The following CDH13 variants were observed in gnomAD, a reference collection of about 807,000 sequenced individuals.
CDH13 encodes cadherin 13, also known as cadherin-13.
A neutral mutation model predicts 63.8 loss-of-function variants in CDH13; 24 were observed. The observed-to-expected ratio is 0.38, with a 90% CI of 0.27 to 0.53. The LOEUF (loss-of-function observed/expected upper bound fraction) is 0.53. Among genes scored for constraint, CDH13 ranks in the 20% least tolerant of loss-of-function variants. The pLI, the probability that CDH13 is intolerant of heterozygous loss-of-function variation, is 0.85. For synonymous variants in CDH13, 503 were observed against 355.3 expected (o/e 1.42, Z -4.67); for missense variants, 1,049 against 903.1 (o/e 1.16, Z -2.07).
chr16:82,647,476 A>G (rs1910230231), intron 1 of CDH13, among the ~76,000 whole-genome samples: 2 of 152,056 alleles, frequency 1.3e-5, no homozygotes, highest in African/African-American at 2.4e-5. Flanking sequence ...GGAAAAGGAA[A>G]CAGACGAGGG....
chr16:83,061,900 G>A (rs988244588), intron 3 of CDH13, among the ~76,000 whole-genome samples: 10 of 152,190 alleles, frequency 6.6e-5, no homozygotes, highest in Admixed American at 1.3e-4. Context: ...CAATAGTCCA[G>A]GAGATGCTTA....
chr16:83,539,773 C>T lies in CDH13; in HGVS notation c.960+53118C>T, dbSNP rs141922221. Among the ~76,000 whole-genome samples, 360 of 152,240 alleles carry T rather than the reference C, an allele frequency of 2.4e-3. 4 individuals are homozygous for T. Among genetic ancestry groups the T allele is most frequent in the African/African-American group, 7.7e-3 (320 of 41,538 alleles). The stretch of plus-strand genomic sequence containing the variant: ...ATGAAGTACCTTGTCCAAGGTCATG[C>T]GAATAGGTTAGACTTATTCACTCTG... On this transcript the variant is annotated intron_variant, in intron 7 of 13. Coordinates refer to ENST00000567109, the MANE Select transcript of CDH13 (RefSeq NM_001257.5).
chr16:83,212,998 T>C (rs1377363962), intron 4 of CDH13, among the ~76,000 whole-genome samples: 1 of 152,214 alleles, frequency 6.6e-6, no homozygotes, highest in Non-Finnish European at 1.5e-5. Context: ...ACACCATTCT[T>C]GGCTGTGGGT....
chr16:83,411,437 G>C (rs962067886), intron 6 of CDH13, among the ~76,000 whole-genome samples: 40 of 152,312 alleles, frequency 2.6e-4, no homozygotes, highest in African/African-American at 9.4e-4. Context: ...AGAGCTCCAT[G>C]AAAGCATGGG....
rs145611855 is a variant in CDH13 at position 83,724,767 on chromosome 16, T to C, written c.1539-23341T>C. 2.3e-3 allele frequency among the ~76,000 whole-genome samples: 352 copies of C among 152,274 alleles called. 1 individual carries two copies. The highest frequency in any genetic ancestry group is 8.0e-3 in the African/African-American group (332 of 41,556). On this transcript the variant is annotated intron_variant, in intron 10 of 13. Coordinates refer to ENST00000567109, the MANE Select transcript of CDH13 (RefSeq NM_001257.5). ...AGTGTCAGCGTCAGGAGCAAGATGA[T>C]TGATGAAGTGTCAGCAGGGACACAA... is the stretch of plus-strand genomic sequence containing the variant.
chr16:83,034,490 AC>A (rs944822473), intron 3 of CDH13, among the ~76,000 whole-genome samples: 46 of 152,350 alleles, frequency 3.0e-4, no homozygotes, highest in Admixed American at 3.9e-4. Context: ...CTTAGCCATG[AC>A]CAATGGTCAC....
rs559690900 is a variant in CDH13, at chr16:82,644,681, G to C, written c.45+17544G>C. 1.7e-3 allele frequency among the ~76,000 whole-genome samples: 262 copies of C among 152,244 alleles called. 1 individual carries two copies. Among genetic ancestry groups the C allele is most frequent in the African/African-American group, 6.1e-3 (252 of 41,538 alleles). Reference sequence around the variant, plus strand: ...GGGGCAGAAGTCAGGACTTGAACTGGCTCTGGCTGGGACCCAGGCTCCCAG... The same window carrying C: ...GGGGCAGAAGTCAGGACTTGAACTGCCTCTGGCTGGGACCCAGGCTCCCAG... On this transcript the variant is annotated intron_variant, in intron 1 of 13. Coordinates refer to ENST00000567109, the MANE Select transcript of CDH13 (RefSeq NM_001257.5). The surrounding 1 kb of genome is among the most constrained non-coding windows in gnomAD (Gnocchi z 5.7).
intron 3 of CDH13, among the ~76,000 whole-genome samples, chr16:83,065,551 G>A (rs780909392): frequency 6.6e-6 from 1 of 151,758 alleles, no homozygotes; most frequent in Non-Finnish European, 1.5e-5. Context: ...CTAAAAATAT[G>A]AAAATTAGCC....
At chr16:83,168,511 A>G (rs2037784285) in intron 4 of CDH13, among the ~76,000 whole-genome samples, 1 of 152,056 alleles carries the variant, frequency 6.6e-6, no homozygotes, top group East Asian at 1.9e-4. Flanking sequence ...AGTCAACTTT[A>G]CCTAACTTCT....
At chr16:83,169,026 T>A (rs2037807599) in intron 4 of CDH13, among the ~76,000 whole-genome samples, 1 of 152,150 alleles carries the variant, frequency 6.6e-6, no homozygotes, top group African/African-American at 2.4e-5. Flanking sequence ...CCTCAGTGCT[T>A]GGAAGTTGAA....
chr16:83,332,077 C>G (rs1395108588), intron 5 of CDH13, among the ~76,000 whole-genome samples: 3 of 152,012 alleles, frequency 2.0e-5, no homozygotes. Context: ...ATAAGTCTGT[C>G]AAACACTATG....
chr16:83,526,460 C>T (rs150415826), intron 7 of CDH13, among the ~76,000 whole-genome samples: 2 of 152,272 alleles, frequency 1.3e-5, no homozygotes, highest in African/African-American at 4.8e-5. Context: ...TCATAAGGAG[C>T]ATGCAAGCTA....
chr16:82,706,744 C>T (rs555922641), intron 1 of CDH13, among the ~76,000 whole-genome samples: 1 of 151,596 alleles, frequency 6.6e-6, no homozygotes, highest in South Asian at 2.1e-4. Context: ...ACGGAGGTTG[C>T]GGTGAGCTGA....
intron 6 of CDH13, chr16:83,398,042 C>G (rs772243097): frequency 3.9e-5 from 5 of 129,204 alleles, no homozygotes; most frequent in African/African-American, 1.2e-4. Flanking sequence ...CAGCCAGCCA[C>G]AATTCAATTA....
chr16:82,745,071 G>T (rs2034100812), intron 1 of CDH13, among the ~76,000 whole-genome samples: 1 of 152,184 alleles, frequency 6.6e-6, no homozygotes, highest in Admixed American at 6.5e-5. Flanking sequence ...AAAGGTTAGA[G>T]TTCAGATTAA....
In CDH13 at chr16:83,634,761, C is replaced by T. The variant is rs1240557718; in HGVS notation, c.1101+32167C>T. On this transcript the variant is annotated intron_variant, in intron 8 of 13. Coordinates refer to ENST00000567109, the MANE Select transcript of CDH13 (RefSeq NM_001257.5). ...AGATTCATCCAAGTACTCACATCAG[C>T]CGATAGCTGGTTCCTTTTGATTGCT... is the stretch of plus-strand genomic sequence containing the variant. Among the ~76,000 whole-genome samples, 5 of 152,156 alleles carry T rather than the reference C, an allele frequency of 3.3e-5. No homozygotes were observed. The East Asian group carries it at 7.7e-4, about 23-fold the overall frequency.
intron 5 of CDH13, among the ~76,000 whole-genome samples, chr16:83,219,961 A>T (rs1470823392): frequency 1.3e-5 from 2 of 152,170 alleles, no homozygotes; most frequent in African/African-American, 2.4e-5. Flanking sequence ...TGGCTTGTTG[A>T]TAACACCAGC....
At chr16:82,864,366 G>C (rs1171965805) in intron 2 of CDH13, among the ~76,000 whole-genome samples, 1 of 152,164 alleles carries the variant, frequency 6.6e-6, no homozygotes, top group East Asian at 1.9e-4. Flanking sequence ...AACTACCTGA[G>C]ATGGGGTAAT....
chr16:83,127,197 G>A (rs1320651589), intron 4 of CDH13, among the ~76,000 whole-genome samples: 1 of 152,168 alleles, frequency 6.6e-6, no homozygotes, highest in Admixed American at 6.5e-5. Flanking sequence ...GGATGACAGT[G>A]GTAAAAGTGA....
Sources: gnomAD v4.1 joint callset for allele counts (sites outside exome capture counted in the v4.1 genomes callset) on GRCh38, gnomAD v4.1.1 for gene constraint, Gnocchi (gnomAD v3.1) non-coding constraint, MANE v1.5 for transcripts, NCBI Gene and HGNC (gene_info 2026-07-23, HGNC 2026-07-21) for gene names.